Variants in ADK observed in about 807,000 individuals in gnomAD.
The protein encoded by ADK is N6,N6-dimethyladenosine kinase.
Under a neutral mutation model 44.7 loss-of-function variants are expected in ADK, and 24 were observed. The observed-to-expected ratio is 0.54, with a 90% CI of 0.39 to 0.76. The LOEUF is 0.76. ADK is among the 30% of genes least tolerant of loss of function. ADK has a pLI of 0.00. For missense variants in ADK, 321 were observed against 425.1 expected (o/e 0.76, Z 2.15); for synonymous variants, 128 against 142.6 (o/e 0.90, Z 0.73).
intron 3 of ADK, among the ~76,000 whole-genome samples, chr10:74,268,473 C>A (rs1846300945): frequency 6.6e-6 from 1 of 151,932 alleles, no homozygotes; most frequent in African/African-American, 2.4e-5. Flanking sequence ...GAGTCCATTT[C>A]CTCACTGGCA....
At chr10:74,670,302 A>G in intron 10 of ADK, 33 bp downstream of exon 10, 1 of 1,536,554 alleles carries the variant, frequency 6.5e-7, no homozygotes, top group African/African-American at 1.4e-5. Flanking sequence ...CTTACTTACA[A>G]GTAAAACATT....
At chr10:74,416,040 ACACAC>A (rs1844361544) in intron 6 of ADK, among the ~76,000 whole-genome samples, 1 of 28,482 alleles carries the variant, frequency 3.5e-5, no homozygotes, top group Non-Finnish European at 1.6e-4. Context: ...ATATACACAC[ACACAC>A]ACACACACAC....
At chr10:74,186,614 T>C (rs1444534153) in intron 1 of ADK, among the ~76,000 whole-genome samples, 2 of 152,142 alleles carry the variant, frequency 1.3e-5, no homozygotes, top group African/African-American at 2.4e-5. Flanking sequence ...CAGCCTCTTT[T>C]TAATTAATTC....
intron 4 of ADK, among the ~76,000 whole-genome samples, chr10:74,324,892 G>T (rs1840953646): frequency 6.6e-6 from 1 of 152,112 alleles, no homozygotes; most frequent in Non-Finnish European, 1.5e-5. Flanking sequence ...AATATTTCGG[G>T]TACTATAGCC....
chr10:74,549,205 C>G (rs988381146), intron 7 of ADK, among the ~76,000 whole-genome samples: 1 of 152,194 alleles, frequency 6.6e-6, no homozygotes, highest in Middle Eastern at 3.4e-3. Context: ...ATAATACTTA[C>G]ATTCTGAAAT....
intron 8 of ADK, among the ~76,000 whole-genome samples, chr10:74,599,375 A>G (rs921564938): frequency 5.3e-5 from 8 of 152,220 alleles, no homozygotes; most frequent in African/African-American, 1.9e-4. Flanking sequence ...ATTGCAAACC[A>G]TTGTGACTTG....
chr10:74,273,738 G>A lies in ADK; in HGVS notation c.195-40929G>A, dbSNP rs538229591. 1.1e-4 allele frequency among the ~76,000 whole-genome samples: 17 copies of A among 152,272 alleles called. No individual in the cohort carries two copies. The East Asian group carries it at 1.2e-3, about 10-fold the overall frequency. ...CTCCCAAAGTGCTGGGATTACAGGCGTGAGCCACTGCGCCCGGCCTCTCCC... is the reference window on the plus strand; with the variant it reads ...CTCCCAAAGTGCTGGGATTACAGGCATGAGCCACTGCGCCCGGCCTCTCCC... On this transcript the variant is annotated intron_variant, in intron 3 of 10. Coordinates refer to ENST00000539909, the MANE Select transcript of ADK (RefSeq NM_006721.4).
At chr10:74,317,822 G>A (rs1044116838) in intron 4 of ADK, among the ~76,000 whole-genome samples, 1 of 152,070 alleles carries the variant, frequency 6.6e-6, no homozygotes, top group Non-Finnish European at 1.5e-5. Context: ...TCACTCTGTT[G>A]CCAGGCTGGA....
intron 6 of ADK, among the ~76,000 whole-genome samples, chr10:74,409,382 C>T (rs1254183293): frequency 2.0e-5 from 3 of 152,056 alleles, no homozygotes; most frequent in Non-Finnish European, 2.9e-5. Flanking sequence ...TTGTGACTTA[C>T]CCTGCGTAAA....
chr10:74,258,743 A>C (rs1845919251), intron 3 of ADK, among the ~76,000 whole-genome samples: 1 of 152,164 alleles, frequency 6.6e-6, no homozygotes, highest in Non-Finnish European at 1.5e-5. Flanking sequence ...TGTTATGTTT[A>C]CTGTTGAGTG....
At chr10:74,403,344 G>T (rs1435063575) in intron 6 of ADK, among the ~76,000 whole-genome samples, 2 of 152,178 alleles carry the variant, frequency 1.3e-5, no homozygotes, top group African/African-American at 4.8e-5. Flanking sequence ...CCCCAGAGAT[G>T]GAGTCTACAG....
At chr10:74,200,876 T>C in intron 2 of ADK, 38 bp downstream of exon 2, 1 of 1,323,368 alleles carries the variant, frequency 7.6e-7, no homozygotes, top group South Asian at 1.2e-5. Flanking sequence ...ATGTGGAACT[T>C]ACATTTGAAG....
intron 3 of ADK, among the ~76,000 whole-genome samples, chr10:74,307,923 C>T (rs764440611): frequency 6.6e-6 from 1 of 152,152 alleles, no homozygotes; most frequent in Non-Finnish European, 1.5e-5. Context: ...TTGAGAACCA[C>T]TGTCCTGCAG....
At chr10:74,655,980 G>A (rs866228742) in intron 9 of ADK, 21 of 683,910 alleles carry the variant, frequency 3.1e-5, no homozygotes, top group Middle Eastern at 2.6e-4. Flanking sequence ...GACTCTGGAC[G>A]TGACCATGGG....
At chr10:74,469,836 C>T (rs986327784) in intron 6 of ADK, among the ~76,000 whole-genome samples, 33 of 152,056 alleles carry the variant, frequency 2.2e-4, no homozygotes, top group Non-Finnish European at 4.4e-4. Context: ...ACTCTGATTC[C>T]GTGAATTTGA....
chr10:74,677,654 TCTG>T (rs1376588732), intron 10 of ADK, among the ~76,000 whole-genome samples: 1 of 152,146 alleles, frequency 6.6e-6, no homozygotes, highest in Admixed American at 6.6e-5. Flanking sequence ...ATGACCCACA[TCTG>T]CTGAGGATTT....
chr10:74,559,963 G>A (rs888772608), intron 7 of ADK, among the ~76,000 whole-genome samples: 4 of 150,350 alleles, frequency 2.7e-5, no homozygotes, highest in African/African-American at 9.8e-5. Context: ...ATCTTGCTTT[G>A]TCGTGCAGGC....
intron 7 of ADK, among the ~76,000 whole-genome samples, chr10:74,588,722 A>G (rs537595986): frequency 6.6e-6 from 1 of 152,336 alleles, no homozygotes; most frequent in South Asian, 2.1e-4. Context: ...CTTCCATTAT[A>G]AAGTTATGCT....
intron 3 of ADK, among the ~76,000 whole-genome samples, chr10:74,266,699 G>A (rs1489659186): frequency 6.6e-6 from 1 of 152,046 alleles, no homozygotes; most frequent in African/African-American, 2.4e-5. Flanking sequence ...TCTGGAATTT[G>A]CATTGTAAAG....
Sources: allele counts gnomAD v4.1 joint callset (sites outside exome capture counted in the v4.1 genomes callset), GRCh38; gene constraint gnomAD v4.1.1; transcripts MANE v1.5; gene names NCBI Gene and HGNC (gene_info 2026-07-23, HGNC 2026-07-21).